The following TENM4 variants were observed in gnomAD, a reference collection of about 807,000 sequenced individuals.
TENM4 encodes the protein teneurin transmembrane protein 4.
A neutral mutation model predicts 243.3 loss-of-function variants in TENM4; 82 were observed. That is an observed-to-expected ratio of 0.34 (90% CI 0.28 to 0.40). The LOEUF (loss-of-function observed/expected upper bound fraction) is 0.40, where lower values mean the gene tolerates loss of function less well. Among genes scored for constraint, TENM4 ranks in the 10% least tolerant of loss-of-function variants. TENM4 has a pLI of 1.00. For synonymous variants in TENM4, 1,412 were observed against 1,456.3 expected (o/e 0.97, Z 0.69); for missense variants, 3,138 against 3,673.3 (o/e 0.85, Z 3.77).
chr11:79,208,257 T>C (rs1863888926), intron 3 of TENM4, among the ~76,000 whole-genome samples: 2 of 152,186 alleles, frequency 1.3e-5, no homozygotes, highest in African/African-American at 4.8e-5. Context: ...ATTAAGCACA[T>C]CTATGAGTAA....
chr11:79,122,707 C>A (rs1054858654), intron 4 of TENM4, among the ~76,000 whole-genome samples: 5 of 152,156 alleles, frequency 3.3e-5, no homozygotes, highest in African/African-American at 1.2e-4. Context: ...ATGATCAGAT[C>A]CAACAAGATC....
intron 6 of TENM4, among the ~76,000 whole-genome samples, chr11:78,916,581 A>G (rs1172782709): frequency 6.6e-6 from 1 of 152,176 alleles, no homozygotes. Flanking sequence ...TATTTTAAAA[A>G]TTCCACCATG....
rs368080294 is a variant in TENM4 at position 78,658,682 on chromosome 11, G to A, written c.7686C>T (p.Ser2562=). The A allele has an allele frequency of 3.8e-5, 62 of 1,613,868 alleles. No homozygotes were observed. The highest frequency in any genetic ancestry group is 3.3e-4 in the Middle Eastern group (2 of 6,084). The change falls in exon 34 of 34, where the codon AGC becomes AGT. Residue 2562 remains serine (S), a synonymous_variant. Coordinates refer to ENST00000278550, the MANE Select transcript of TENM4 (RefSeq NM_001098816.3). ...QAPKTKKFAS[S]GSVFGKGVKF... is the part of the protein sequence containing the mutation. ...TGACCCCCTTGCCAAAGACTGAGCC[G>A]CTGGATGCAAACTTCTTGGTCTTTG...
At chr11:79,083,674 G>A (rs568066368) in intron 4 of TENM4, among the ~76,000 whole-genome samples, 141 of 152,258 alleles carry the variant, frequency 9.3e-4, no homozygotes, top group African/African-American at 3.2e-3. Flanking sequence ...CTTCCTGGCG[G>A]CCCTAACTCC....
chr11:78,971,313 T>C (rs1037801211), intron 6 of TENM4, among the ~76,000 whole-genome samples: 4 of 152,200 alleles, frequency 2.6e-5, no homozygotes, highest in East Asian at 3.8e-4. Context: ...TTGTTTGTTT[T>C]GTTTTTACAG....
At chr11:78,894,209 G>T (rs1010120552) in intron 7 of TENM4, among the ~76,000 whole-genome samples, 1 of 152,134 alleles carries the variant, frequency 6.6e-6, no homozygotes, top group Non-Finnish European at 1.5e-5. Flanking sequence ...TCTACAGCAT[G>T]AGCAGGTCCA....
intron 3 of TENM4, among the ~76,000 whole-genome samples, chr11:79,192,123 G>A (rs562282633): frequency 2.9e-3 from 430 of 148,562 alleles, no homozygotes; most frequent in Non-Finnish European, 3.9e-3. Context: ...CCGGCCAGCC[G>A]CCCCGTCCGG....
At chr11:78,890,226 G>A (rs1405541703) in intron 8 of TENM4, among the ~76,000 whole-genome samples, 1 of 152,140 alleles carries the variant, frequency 6.6e-6, no homozygotes, top group Non-Finnish European at 1.5e-5. Flanking sequence ...CGTTTCCACT[G>A]AACACGGATG....
intron 1 of TENM4, among the ~76,000 whole-genome samples, chr11:79,399,285 T>G (rs544264549): frequency 1.3e-5 from 2 of 152,180 alleles, no homozygotes; most frequent in African/African-American, 4.8e-5. Context: ...CATATTCTTC[T>G]CTGGGGAAGG....
chr11:79,180,680 T>A (rs1407085121), intron 3 of TENM4, among the ~76,000 whole-genome samples: 5 of 151,432 alleles, frequency 3.3e-5, no homozygotes, highest in African/African-American at 9.7e-5. Context: ...ACAATGCAGT[T>A]AAACATAAAT....
rs1426725929 is a variant in TENM4 at position 79,409,095 on chromosome 11, TGTGTGTGCGCGCGC to T, written c.-321+31400_-321+31413del. On this transcript the variant is annotated intron_variant, in intron 1 of 33. Transcript: ENST00000278550. ...GTGTGTGTGTGTGTGTGTGTGTGTG[TGTGTGTGCGCGCGC>T]GCGCGTGCGTGCACGCGCACGCACA... 1.5e-4 allele frequency among the ~76,000 whole-genome samples: 16 copies of T among 107,026 alleles called. 1 individual carries two copies. Among genetic ancestry groups the T allele is most frequent in the Admixed American group, 5.4e-4 (6 of 11,212 alleles). 70.2% of individuals were successfully genotyped at this position (107,026 alleles called of 152,430 possible).
chr11:79,259,734 T>A (rs1171498279), intron 2 of TENM4, among the ~76,000 whole-genome samples: 2 of 152,068 alleles, frequency 1.3e-5, no homozygotes, highest in African/African-American at 4.8e-5. Flanking sequence ...CCTATACCCA[T>A]GAACTCAATC....
At chr11:78,686,694 C>A (rs1472368934) in intron 29 of TENM4, among the ~76,000 whole-genome samples, 1 of 152,168 alleles carries the variant, frequency 6.6e-6, no homozygotes, top group Non-Finnish European at 1.5e-5. Flanking sequence ...TGGGGAGAAC[C>A]CCACCTCTGC....
At chr11:79,427,679 T>G (rs1859084583) in intron 1 of TENM4, among the ~76,000 whole-genome samples, 1 of 152,196 alleles carries the variant, frequency 6.6e-6, no homozygotes, top group South Asian at 2.1e-4. Flanking sequence ...GTTGTTTATA[T>G]GCATTATTGT....
At chr11:78,800,387 T>C (rs1305672492) in intron 15 of TENM4, among the ~76,000 whole-genome samples, 1 of 152,072 alleles carries the variant, frequency 6.6e-6, no homozygotes, top group Non-Finnish European at 1.5e-5. Context: ...GCACTGCGCA[T>C]GAAACTAACA....
chr11:79,314,318 T>C (rs1856769557), intron 1 of TENM4, among the ~76,000 whole-genome samples: 1 of 152,266 alleles, frequency 6.6e-6, no homozygotes, highest in African/African-American at 2.4e-5. Flanking sequence ...GCTGCTGTTA[T>C]TTTTAGAAAT....
chr11:79,244,590 G>A (rs1393568983), intron 2 of TENM4, among the ~76,000 whole-genome samples: 2 of 152,136 alleles, frequency 1.3e-5, no homozygotes, highest in Non-Finnish European at 2.9e-5. Flanking sequence ...CAGTACATCA[G>A]TTATATTATG....
chr11:78,877,317 C>T (rs767330994), intron 9 of TENM4, among the ~76,000 whole-genome samples: 17 of 152,184 alleles, frequency 1.1e-4, no homozygotes, highest in Admixed American at 2.0e-4. Context: ...GCTCTGCTCC[C>T]GCCTTGTCCC....
At chr11:78,910,979 T>C (rs993801899) in intron 6 of TENM4, among the ~76,000 whole-genome samples, 2 of 152,192 alleles carry the variant, frequency 1.3e-5, no homozygotes, top group African/African-American at 4.8e-5. Context: ...GAATAAAAAA[T>C]AGCACCTTGA....
Sources: gnomAD v4.1 joint callset for allele counts (sites outside exome capture counted in the v4.1 genomes callset) on GRCh38, gnomAD v4.1.1 for gene constraint, MANE v1.5 for transcripts, NCBI Gene and HGNC (gene_info 2026-07-23, HGNC 2026-07-21) for gene names.